The following GRIK3 variants were observed in gnomAD, a reference collection of about 807,000 sequenced individuals.
The protein encoded by GRIK3 is glutamate ionotropic receptor kainate type subunit 3.
In GRIK3, 29 loss-of-function variants were observed where a neutral mutation model predicts 102.5. That is an observed-to-expected ratio of 0.28 (90% confidence interval 0.21 to 0.39). The LOEUF (loss-of-function observed/expected upper bound fraction) is 0.39, where lower values mean the gene tolerates loss of function less well. Among genes scored for constraint, GRIK3 ranks in the 10% least tolerant of loss-of-function variants. The pLI is 1.00. For synonymous variants in GRIK3, 511 were observed against 504.9 expected (o/e 1.01, Z -0.16); for missense variants, 908 against 1,252.4 (o/e 0.73, Z 4.15).
intron 1 of GRIK3, among the ~76,000 whole-genome samples, chr1:36,901,685 A>G (rs1288516120): frequency 6.6e-6 from 1 of 152,192 alleles, no homozygotes; most frequent in Admixed American, 6.5e-5. Flanking sequence ...CCCCTCTCCC[A>G]CTGCTTTTCA....
chr1:36,888,591 T>C (rs1641068047), intron 2 of GRIK3, among the ~76,000 whole-genome samples: 1 of 152,150 alleles, frequency 6.6e-6, no homozygotes, highest in Admixed American at 6.5e-5. Flanking sequence ...ATCCACTAGA[T>C]TATAAGCTCC....
intron 1 of GRIK3, among the ~76,000 whole-genome samples, chr1:36,946,408 TG>T (rs1288510704): frequency 6.6e-6 from 1 of 152,182 alleles, no homozygotes; most frequent in Non-Finnish European, 1.5e-5. Context: ...GAGCATTCAG[TG>T]GCTGCTTCAG....
At chr1:36,814,295 A>T (rs1386440959) in intron 13 of GRIK3, among the ~76,000 whole-genome samples, 1 of 152,092 alleles carries the variant, frequency 6.6e-6, no homozygotes, top group Non-Finnish European at 1.5e-5. Context: ...TTTGATCGGG[A>T]GCCCTGCTTA....
At chr1:36,895,021 T>C (rs1233058799) in intron 1 of GRIK3, among the ~76,000 whole-genome samples, 3 of 152,208 alleles carry the variant, frequency 2.0e-5, no homozygotes, top group Non-Finnish European at 4.4e-5. Flanking sequence ...CTAGCCATCC[T>C]ATCCCTTCTA....
rs1322498503 is a variant in GRIK3 at position 36,850,553 on chromosome 1, C to T, written c.1213-129G>A. The T allele has an allele frequency of 1.5e-6, 1 of 659,744 alleles. No individual in the cohort carries two copies. The highest frequency in any genetic ancestry group is 2.1e-5 in the Admixed American group (1 of 46,600). The allele number at this position is 659,744 out of a possible 1,614,324, so 40.9% of individuals were successfully genotyped here. On this transcript the variant is annotated intron_variant, in intron 8 of 15. Coordinates refer to ENST00000373091, the MANE Select transcript of GRIK3 (RefSeq NM_000831.4). This position sits in a 1 kb window ranked among gnomAD's most constrained non-coding sequence, Gnocchi z 4.0. ...TTGTCATGATCATCATCATCATCAC[C>T]ACTGCCATTGTGTTTCCAGTTATAA... is the stretch of plus-strand genomic sequence containing the variant.
Position 36,860,010 on chromosome 1 carries a change from T to A in GRIK3, c.794A>T (p.Tyr265Phe). 6.3e-7 allele frequency: 1 copy of A among 1,591,688 alleles called. No homozygotes were observed. Among genetic ancestry groups the A allele is most frequent in the Non-Finnish European group, 8.6e-7 (1 of 1,169,424 alleles). Residue 265 changes from tyrosine (Y) to phenylalanine (F), a missense_variant, in exon 6 of 16, where the codon TAC becomes TTC. This residue lies in a region of GRIK3 where 585 missense variants were observed against 824.9 expected (regional missense o/e 0.71). Coordinates refer to ENST00000373091, the MANE Select transcript of GRIK3 (RefSeq NM_000831.4). ...YHFIFTTLDL[Y>F]ALDLEPYRYS... ...GCGGTAGGGCTCCAGGTCTAAAGCG[T>A]AGAGATCCTGGATAGAGAGAGGTCT... is the stretch of plus-strand genomic sequence containing the variant.
chr1:36,823,287 C>T lies in GRIK3; in HGVS notation c.1754+2316G>A, dbSNP rs185024298. Among the ~76,000 whole-genome samples, 1,278 of 152,016 alleles carry T rather than the reference C, an allele frequency of 8.4e-3. 9 individuals are homozygous for T. The highest frequency in any genetic ancestry group is 0.01 in the Non-Finnish European group (689 of 67,970). On this transcript the variant is annotated intron_variant, in intron 11 of 15. Transcript: ENST00000373091. ...AGGAGATCGAGACCATCCTGGCTAACACAGTGAAACCCCGTCTCTACTAAA... is the reference window on the plus strand; with the variant it reads ...AGGAGATCGAGACCATCCTGGCTAATACAGTGAAACCCCGTCTCTACTAAA...
At chr1:36,810,270 G>A (rs1642547430) in intron 13 of GRIK3, among the ~76,000 whole-genome samples, 1 of 152,088 alleles carries the variant, frequency 6.6e-6, no homozygotes, top group African/African-American at 2.4e-5. Flanking sequence ...ACCACCCTAG[G>A]GAACGAAGTC....
chr1:36,962,826 G>GT (rs1642029150), intron 1 of GRIK3, among the ~76,000 whole-genome samples: 1 of 148,018 alleles, frequency 6.8e-6, no homozygotes. Flanking sequence ...GGAGGTTGCA[G>GT]TGAGCCGAGA....
chr1:36,838,990 C>T (rs1440672800), intron 10 of GRIK3, among the ~76,000 whole-genome samples: 1 of 152,148 alleles, frequency 6.6e-6, no homozygotes, highest in Non-Finnish European at 1.5e-5. Flanking sequence ...CCGTGGACGA[C>T]ACTCCCTCCT....
chr1:36,881,803 T>C (rs1640981344), intron 2 of GRIK3, among the ~76,000 whole-genome samples: 2 of 152,208 alleles, frequency 1.3e-5, no homozygotes, highest in Admixed American at 6.5e-5. Context: ...ATCCTGCTTG[T>C]TGTAGCTCCT....
At chr1:36,984,373 G>A (rs1231021852) in intron 1 of GRIK3, among the ~76,000 whole-genome samples, 1 of 152,238 alleles carries the variant, frequency 6.6e-6, no homozygotes, top group Non-Finnish European at 1.5e-5. Context: ...GAGGACAGGG[G>A]CCTGAGTCAG....
chr1:36,957,886 G>A (rs1175408486), intron 1 of GRIK3, among the ~76,000 whole-genome samples: 7 of 80,278 alleles, frequency 8.7e-5, no homozygotes, highest in Admixed American at 1.4e-4. Flanking sequence ...CTGTGCCCCT[G>A]AGTCTGTGTG....
intron 1 of GRIK3, among the ~76,000 whole-genome samples, chr1:36,976,387 G>A (rs1027046308): frequency 1.3e-5 from 2 of 151,958 alleles, no homozygotes; most frequent in African/African-American, 2.4e-5. Flanking sequence ...GGGGAAAAGC[G>A]TTTATCATTT....
chr1:37,031,750 G>A (rs540131069), intron 1 of GRIK3, among the ~76,000 whole-genome samples: 2 of 152,360 alleles, frequency 1.3e-5, no homozygotes, highest in South Asian at 4.1e-4. Flanking sequence ...GCCCAGCCAA[G>A]GTGGTGTGTT....
intron 5 of GRIK3, among the ~76,000 whole-genome samples, chr1:36,867,147 C>A (rs1037353926): frequency 3.3e-5 from 5 of 152,160 alleles, no homozygotes; most frequent in African/African-American, 1.2e-4. Context: ...GGACACTGGC[C>A]GGGGCTAGTC....
At chr1:36,928,572 G>A (rs1004101706) in intron 1 of GRIK3, among the ~76,000 whole-genome samples, 4 of 152,200 alleles carry the variant, frequency 2.6e-5, no homozygotes, top group Non-Finnish European at 5.9e-5. Context: ...CATGCATGTA[G>A]GTTCAGCTTA....
At chr1:36,955,860 G>A (rs1011028780) in intron 1 of GRIK3, among the ~76,000 whole-genome samples, 10 of 152,254 alleles carry the variant, frequency 6.6e-5, no homozygotes, top group Non-Finnish European at 8.8e-5. Flanking sequence ...AGGATCCCCC[G>A]CTGGCCACCA....
At chr1:36,901,764 G>A (rs1003086315) in intron 1 of GRIK3, among the ~76,000 whole-genome samples, 6 of 152,202 alleles carry the variant, frequency 3.9e-5, no homozygotes, top group African/African-American at 1.4e-4. Flanking sequence ...TCAGATTGGG[G>A]AGGAAGAAAT....
Sources: allele counts gnomAD v4.1 joint callset (sites outside exome capture counted in the v4.1 genomes callset), GRCh38; gene constraint gnomAD v4.1.1; regional missense constraint gnomAD v4.1.1; non-coding constraint Gnocchi (gnomAD v3.1); transcripts MANE v1.5; gene names NCBI Gene and HGNC (gene_info 2026-07-23, HGNC 2026-07-21).